The following MVB12B variants were observed in gnomAD, a reference collection of about 807,000 sequenced individuals.
MVB12B encodes the protein ESCRT-I complex subunit MVB12B.
MVB12B carries 16 observed loss-of-function variants against 41.6 expected under a neutral mutation model. That is an observed-to-expected ratio of 0.38 (90% CI 0.26 to 0.58). The LOEUF is 0.58. Ranked by LOEUF, MVB12B falls within the 20% of genes least tolerant of loss-of-function variation. MVB12B has a pLI of 0.62. For synonymous variants in MVB12B, 133 were observed against 139.7 expected (o/e 0.95, Z 0.34); for missense variants, 274 against 380.2 (o/e 0.72, Z 2.32).
chr9:126,473,184 G>A lies in MVB12B; in HGVS notation c.758-8185G>A, dbSNP rs576784468. Among the ~76,000 whole-genome samples the A allele has an allele frequency of 3.9e-5, 6 of 152,210 alleles. No individual in the cohort carries two copies. The East Asian group carries it at 1.2e-3, about 29-fold the overall frequency. On this transcript the variant is annotated intron_variant, in intron 7 of 9. Transcript: ENST00000361171. This position sits in a 1 kb window ranked among gnomAD's most constrained non-coding sequence, Gnocchi z 4.0. Reference sequence around the variant, plus strand: ...AGTATTATGCCCACCTTACAGACAGGGCAAGTAAGGCTCAGAGAGGTGGGG... The same window carrying A: ...AGTATTATGCCCACCTTACAGACAGAGCAAGTAAGGCTCAGAGAGGTGGGG...
At chr9:126,498,407 GTTGGCCCCAGCC>G (rs1294673246) in intron 9 of MVB12B, among the ~76,000 whole-genome samples, 1 of 152,276 alleles carries the variant, frequency 6.6e-6, no homozygotes, top group East Asian at 1.9e-4. Context: ...GACTCTTCTC[GTTGGCCCCAGCC>G]TTGGCCCCTT....
At chr9:126,447,283 G>T (rs1832797704) in intron 7 of MVB12B, among the ~76,000 whole-genome samples, 1 of 148,152 alleles carries the variant, frequency 6.7e-6, no homozygotes, top group African/African-American at 2.5e-5. Flanking sequence ...ATTTATTTTA[G>T]CTTTTTTAAT....
At chr9:126,337,281 T>C (rs556774657) in intron 1 of MVB12B, among the ~76,000 whole-genome samples, 1 of 152,298 alleles carries the variant, frequency 6.6e-6, no homozygotes, top group African/African-American at 2.4e-5. Flanking sequence ...GTGCGGTGCT[T>C]GGATCTCCCT....
At chr9:126,402,803 T>A (rs758455200) in intron 6 of MVB12B, among the ~76,000 whole-genome samples, 2 of 152,226 alleles carry the variant, frequency 1.3e-5, no homozygotes, top group Non-Finnish European at 2.9e-5. Context: ...AAGCCACACA[T>A]GCTTTTTGTT....
chr9:126,394,906 G>T (rs1264431962), intron 5 of MVB12B, among the ~76,000 whole-genome samples: 1 of 152,194 alleles, frequency 6.6e-6, no homozygotes, highest in East Asian at 1.9e-4. Flanking sequence ...CTATTCCTAG[G>T]AGCGTGGCTG....
At chr9:126,397,310 T>C in intron 6 of MVB12B, 1 of 985,460 alleles carries the variant, frequency 1.0e-6, no homozygotes, top group Non-Finnish European at 1.2e-6. Flanking sequence ...AGAAGCCTGC[T>C]GGTGACTGTG....
intron 9 of MVB12B, among the ~76,000 whole-genome samples, chr9:126,491,799 A>G (rs1321196872): frequency 1.3e-5 from 2 of 152,238 alleles, no homozygotes; most frequent in Non-Finnish European, 2.9e-5. Flanking sequence ...GATGCCTTGC[A>G]GAAATCATGA....
chr9:126,396,856 C>T, intron 6 of MVB12B: 1 of 985,468 alleles, frequency 1.0e-6, no homozygotes, highest in African/African-American at 1.7e-5. Flanking sequence ...CCCAGAGTTG[C>T]AGGGTGAACA....
chr9:126,351,280 G>T (rs1325959407), intron 2 of MVB12B, among the ~76,000 whole-genome samples: 1 of 151,888 alleles, frequency 6.6e-6, no homozygotes, highest in Non-Finnish European at 1.5e-5. Context: ...CTAGGTTTTT[G>T]GTTTTGTTTT....
intron 1 of MVB12B, among the ~76,000 whole-genome samples, chr9:126,330,859 C>T (rs972034698): frequency 6.6e-6 from 1 of 152,024 alleles, no homozygotes; most frequent in Non-Finnish European, 1.5e-5. Flanking sequence ...GTGGATCATA[C>T]AGTATTTGTC....
chr9:126,398,928 A>T (rs1831192970), intron 6 of MVB12B, among the ~76,000 whole-genome samples: 1 of 152,208 alleles, frequency 6.6e-6, no homozygotes, highest in Admixed American at 6.5e-5. Context: ...TTTACTTCAG[A>T]CAAAGGTGGA....
intron 6 of MVB12B, chr9:126,397,490 A>C (rs1831149697): frequency 1.0e-6 from 1 of 985,346 alleles, no homozygotes; most frequent in African/African-American, 1.7e-5. Flanking sequence ...AAATCGGATC[A>C]GTTTTGTTTT....
intron 7 of MVB12B, among the ~76,000 whole-genome samples, chr9:126,423,222 G>T (rs749581929): frequency 7.2e-5 from 11 of 152,186 alleles, no homozygotes; most frequent in Non-Finnish European, 1.6e-4. Flanking sequence ...TCATCAAAAC[G>T]GATGACTTTT....
intron 8 of MVB12B, among the ~76,000 whole-genome samples, chr9:126,482,316 A>G (rs1021234517): frequency 3.9e-5 from 6 of 152,376 alleles, no homozygotes; most frequent in African/African-American, 1.2e-4. Flanking sequence ...GGGCACAGCT[A>G]AAGAATCCTT....
chr9:126,385,930 T>A (rs1336328536), intron 3 of MVB12B, among the ~76,000 whole-genome samples: 1 of 152,204 alleles, frequency 6.6e-6, no homozygotes, highest in African/African-American at 2.4e-5. Flanking sequence ...GTACACCAGT[T>A]ACCGAAACTG....
intron 7 of MVB12B, among the ~76,000 whole-genome samples, chr9:126,446,687 C>T (rs959829308): frequency 6.6e-6 from 1 of 151,610 alleles, no homozygotes; most frequent in African/African-American, 2.4e-5. Flanking sequence ...ATAGCAATTT[C>T]ACCTAAATTT....
chr9:126,442,561 A>G (rs1166640299), intron 7 of MVB12B, among the ~76,000 whole-genome samples: 2 of 152,326 alleles, frequency 1.3e-5, no homozygotes, highest in Middle Eastern at 3.4e-3. Flanking sequence ...TTGGAAATGT[A>G]AATTGGAACT....
intron 7 of MVB12B, among the ~76,000 whole-genome samples, chr9:126,438,676 G>A (rs1277445860): frequency 2.0e-5 from 3 of 152,332 alleles, no homozygotes; most frequent in African/African-American, 4.8e-5. Context: ...TGCAGTTTCC[G>A]TCCTTTGGGA....
intron 8 of MVB12B, among the ~76,000 whole-genome samples, chr9:126,482,181 G>A (rs13288280): frequency 2.1e-3 from 112 of 52,402 alleles, no homozygotes; most frequent in Non-Finnish European, 4.7e-3. Context: ...AGCCCCCAAG[G>A]TGGCAGTGGC....
Sources: gnomAD v4.1 joint callset for allele counts (sites outside exome capture counted in the v4.1 genomes callset) on GRCh38, gnomAD v4.1.1 for gene constraint, Gnocchi (gnomAD v3.1) non-coding constraint, MANE v1.5 for transcripts, NCBI Gene and HGNC (gene_info 2026-07-23, HGNC 2026-07-21) for gene names.